Variants in SPATA3 observed in about 807,000 individuals in gnomAD.
SPATA3 encodes spermatogenesis associated 3.
In SPATA3, 6 loss-of-function variants were observed where a neutral mutation model predicts 5.7. That is an observed-to-expected ratio of 1.06 (90% CI 0.58 to 2.09). The LOEUF (loss-of-function observed/expected upper bound fraction) is 2.09, where lower values mean the gene tolerates loss of function less well. SPATA3 is among the 30% of genes most tolerant of loss of function. The probability of loss-of-function intolerance (pLI) is 0.00; values close to 1 mark genes in which losing one functional copy is unlikely to be tolerated. For synonymous variants in SPATA3, 44 were observed against 48.4 expected, an observed-to-expected ratio of 0.91 and a Z score of 0.37; for missense variants, 155 against 130.4, an observed-to-expected ratio of 1.19 and a Z score of -0.92.
intron 6 of SPATA3, among the ~76,000 whole-genome samples, chr2:231,015,453 C>T (rs1692908116): frequency 6.6e-6 from 1 of 152,050 alleles, no homozygotes. Flanking sequence ...GACAGAAATG[C>T]CCCGTGTACC....
chr2:231,002,859 G>C (rs1225778241), downstream of SPATA3: 4 of 1,051,280 alleles, frequency 3.8e-6, no homozygotes, highest in East Asian at 1.2e-4. Flanking sequence ...TTCGAATGGA[G>C]GTGGTCTCTT....
chr2:231,002,279 G>T (rs1398931955), intron 2 of SPATA3, among the ~76,000 whole-genome samples: 1 of 152,116 alleles, frequency 6.6e-6, no homozygotes, highest in South Asian at 2.1e-4. Context: ...CCTTTGTGTG[G>T]GTGTAATATA....
chr2:231,002,930 C>A, downstream of SPATA3: 2 of 486,360 alleles, frequency 4.1e-6, no homozygotes, highest in Non-Finnish European at 7.1e-6. Context: ...TCCCTCCTGG[C>A]CTCAGGGTCA....
intron 1 of SPATA3, 35 bp from the exon 2 acceptor site, chr2:231,000,331 G>A: frequency 7.0e-7 from 1 of 1,424,528 alleles, no homozygotes; most frequent in Non-Finnish European, 9.3e-7. Context: ...CCCAGGGCAG[G>A]TGCCTCCCTC....
downstream of SPATA3, among the ~76,000 whole-genome samples, chr2:231,005,526 C>T (rs371054298): frequency 2.9e-3 from 8 of 2,716 alleles, no homozygotes; most frequent in Non-Finnish European, 3.2e-3. Flanking sequence ...ATCACCACCA[C>T]CACCATCATC....
At chr2:231,001,808 A>G (rs775996590) in intron 2 of SPATA3, among the ~76,000 whole-genome samples, 6 of 152,160 alleles carry the variant, frequency 3.9e-5, no homozygotes, top group Non-Finnish European at 7.4e-5. Context: ...GCATTTAGAA[A>G]CCAAGATGCA....
At chr2:231,012,356 G>T (rs1265977698) in intron 4 of SPATA3, among the ~76,000 whole-genome samples, 1 of 152,212 alleles carries the variant, frequency 6.6e-6, no homozygotes, top group Non-Finnish European at 1.5e-5. Context: ...GGGCTGACCA[G>T]CTCCAGAAGA....
At chr2:231,006,190 C>A (rs537848438), downstream of SPATA3, among the ~76,000 whole-genome samples, 4 of 108,712 alleles carry the variant, frequency 3.7e-5, no homozygotes, top group Non-Finnish European at 5.4e-5. Context: ...ACTCATGAGA[C>A]CCTGTCTCAA....
chr2:231,000,544 A>G lies in SPATA3; in HGVS notation c.962+7A>G. 1 of 1,511,654 alleles carries G rather than the reference A, an allele frequency of 6.6e-7. No individual in the cohort carries two copies. Among genetic ancestry groups the G allele is most frequent in the Non-Finnish European group, 8.9e-7 (1 of 1,122,726 alleles). 93.6% of individuals were successfully genotyped at this position (1,511,654 alleles called of 1,614,324 possible). A position where few individuals can be genotyped will look rare whatever the true frequency, so the allele number is the denominator to read the frequency against. On this transcript the variant is annotated splice_region_variant and intron_variant, in intron 2 of 2. Transcript: ENST00000645363. ...ACCTGCTCACCTTCTACAGGTTCCA[A>G]GCGCGAGGGGCTGGAGCCTCGGGGC...
rs370194410 is a variant in SPATA3, at chr2:231,019,498, G to C, written c.*566-222G>C. 2.7e-5 allele frequency among the ~76,000 whole-genome samples: 4 copies of C among 149,084 alleles called. No individual in the cohort carries two copies. In the East Asian group the frequency reaches 8.5e-4, roughly 32 times the overall value. ...GCCACCACGCCTGGCTAATTTTTTT[G>C]TATTTTTAGTAGAGATGGGGTTTCA... On this transcript the variant is annotated intron_variant, in intron 6 of 8. Transcript: ENST00000452881.
At position 231,016,829 on chromosome 2, in the gene SPATA3, A is replaced by T. The variant is rs543064373; in HGVS notation, c.*565+2617A>T. On this transcript the variant is annotated intron_variant, in intron 6 of 8. Transcript: ENST00000452881. ...CCTCTCCTCTCTCCTCTCAGGCATC[A>T]GATAGGATTCAAGCTGAGATAACCC... Among the ~76,000 whole-genome samples the T allele has an allele frequency of 3.3e-5, 5 of 152,160 alleles. No individual in the cohort carries two copies. The South Asian group carries it at 1.0e-3, about 31-fold the overall frequency.
chr2:231,003,453 G>A (rs1278121060), downstream of SPATA3, among the ~76,000 whole-genome samples: 2 of 152,224 alleles, frequency 1.3e-5, no homozygotes, highest in Admixed American at 6.5e-5. Context: ...GAGTGAGGGA[G>A]TGAGGGAGGC....
intron 2 of SPATA3, among the ~76,000 whole-genome samples, chr2:231,001,256 C>T (rs1345769041): frequency 6.6e-6 from 1 of 152,114 alleles, no homozygotes; most frequent in East Asian, 1.9e-4. Context: ...GGAGATGTTC[C>T]CACGTTTGGG....
chr2:231,007,404 C>A (rs1434698343), downstream of SPATA3: 1 of 152,208 alleles, frequency 6.6e-6, no homozygotes, highest in Non-Finnish European at 1.5e-5. Flanking sequence ...AGAACTGGTG[C>A]CTGTCATTCC....
At chr2:231,009,170 A>G (rs1019629191), downstream of SPATA3, among the ~76,000 whole-genome samples, 69 of 152,298 alleles carry the variant, frequency 4.5e-4, no homozygotes, top group African/African-American at 1.5e-3. Context: ...ACCAAAAGAG[A>G]TGGGAATGGA....
At chr2:231,005,096 C>A (rs200301215), downstream of SPATA3, among the ~76,000 whole-genome samples, 145 of 9,350 alleles carry the variant, frequency 0.016, no homozygotes, top group Middle Eastern at 0.05. Flanking sequence ...CATCACCATC[C>A]TCATCACCAT....
chr2:230,996,601 G>C, intron 1 of SPATA3, 67 bp downstream of exon 1: 1 of 1,514,404 alleles, frequency 6.6e-7, no homozygotes, highest in South Asian at 1.3e-5. Flanking sequence ...CATCCCAAAG[G>C]CTGGTTCTTG....
chr2:231,018,319 T>G (rs1692983308), intron 6 of SPATA3, among the ~76,000 whole-genome samples: 1 of 152,202 alleles, frequency 6.6e-6, no homozygotes, highest in Admixed American at 6.5e-5. Context: ...CTACTCTTTC[T>G]GCAGGCTGTT....
At chr2:231,009,187 G>A (rs143866696), downstream of SPATA3, among the ~76,000 whole-genome samples, 706 of 152,308 alleles carry the variant, frequency 4.6e-3, 4 homozygotes, top group African/African-American at 0.016. Flanking sequence ...TGGACGCTGG[G>A]CAGCTAAAAA....
Sources: allele counts gnomAD v4.1 joint callset (sites outside exome capture counted in the v4.1 genomes callset), GRCh38; gene constraint gnomAD v4.1.1; transcripts MANE v1.5; gene names NCBI Gene and HGNC (gene_info 2026-07-23, HGNC 2026-07-21).